Variants in ARAP2 observed in about 807,000 individuals in gnomAD.
ARAP2 encodes the protein ArfGAP with RhoGAP domain, ankyrin repeat and PH domain 2.
In ARAP2, 148 loss-of-function variants were observed where a neutral mutation model predicts 194.5. The observed-to-expected ratio is 0.76, with a 90% CI of 0.67 to 0.87. The LOEUF (loss-of-function observed/expected upper bound fraction) is 0.87, where lower values mean the gene tolerates loss of function less well. Ranked by LOEUF, ARAP2 falls within the 40% of genes least tolerant of loss-of-function variation. The probability of loss-of-function intolerance (pLI) is 0.00; values close to 1 mark genes in which losing one functional copy is unlikely to be tolerated. For synonymous variants in ARAP2, 695 were observed against 683.5 expected, an observed-to-expected ratio of 1.02 and a Z score of -0.26; for missense variants, 2,128 against 1,989.7, an observed-to-expected ratio of 1.07 and a Z score of -1.32.
At chr4:36,061,001 C>T (rs528274307) in intron 1 of ARAP2, among the ~76,000 whole-genome samples, 1 of 152,164 alleles carries the variant, frequency 6.6e-6, no homozygotes, top group African/African-American at 2.4e-5. Context: ...TGGTAATCTG[C>T]TTTATTAGTG....
At chr4:36,085,609 A>C (rs534520731) in intron 28 of ARAP2, among the ~76,000 whole-genome samples, 1 of 152,246 alleles carries the variant, frequency 6.6e-6, no homozygotes, top group South Asian at 2.1e-4. Context: ...ATATCTTAAT[A>C]GTTGGATGGC....
rs984401653 is a variant in ARAP2 at position 36,164,888 on chromosome 4, G to A, written c.2173+26C>T. The A allele has an allele frequency of 3.7e-6, 6 of 1,607,202 alleles. No homozygotes were observed. The African/African-American group carries it at 4.0e-5, about 11-fold the overall frequency. On this transcript the variant is annotated intron_variant, in intron 11 of 32. Coordinates refer to ENST00000303965, the MANE Select transcript of ARAP2 (RefSeq NM_015230.4). ...CAATGCCAATCTGCCACAAAGCTGTGATGAGCATAACTTGTCACTAATTAC... is the reference window on the plus strand; with the variant it reads ...CAATGCCAATCTGCCACAAAGCTGTAATGAGCATAACTTGTCACTAATTAC...
chr4:36,124,276 T>C (rs1251766709), intron 22 of ARAP2, among the ~76,000 whole-genome samples: 1 of 151,792 alleles, frequency 6.6e-6, no homozygotes, highest in Non-Finnish European at 1.5e-5. Context: ...AAAATTTATA[T>C]TTATTTAACT....
In ARAP2 at chr4:36,107,639, G is replaced by A; in HGVS notation, c.4211C>T (p.Ser1404Leu). The change falls in exon 27 of 33, where the codon TCA (serine) becomes TTA (leucine). Residue 1404 changes from serine to leucine, a missense_variant. Ser to Leu is a moderately radical substitution (Grantham distance 145). Coordinates refer to ENST00000303965, the MANE Select transcript of ARAP2 (RefSeq NM_015230.4). ...NVLEQVLRWS[S>L]LAEPGSAYLV... Reference sequence around the variant, plus strand: ...GTAAGCAGAGCCAGGTTCAGCTAATGAACTCCACCGAAGCACCTGCTCCAG... The same window carrying A: ...GTAAGCAGAGCCAGGTTCAGCTAATAAACTCCACCGAAGCACCTGCTCCAG... 1.9e-6 allele frequency: 3 copies of A among 1,610,826 alleles called. No homozygotes were observed. The highest frequency in any genetic ancestry group is 2.5e-6 in the Non-Finnish European group (3 of 1,178,078).
In ARAP2 at chr4:36,148,493, A is replaced by T. The variant is rs779935526; in HGVS notation, c.2912T>A (p.Phe971Tyr). ...ACGTTCGGAGGGTAAGTAGATCTCA[A>T]AGATAAAGATGGGCCTAAAACATGC... is the stretch of plus-strand genomic sequence containing the variant. The part of the protein sequence containing the change: ...FYLNTGPIFI[F>Y]EIYLPSERVF... Residue 971 changes from phenylalanine to tyrosine, a missense_variant, in exon 17 of 33, where the codon TTT becomes TAT. Transcript: ENST00000303965. The T allele has an allele frequency of 2.2e-5, 36 of 1,612,584 alleles. No individual in the cohort carries two copies. The highest frequency in any genetic ancestry group is 2.5e-5 in the Non-Finnish European group (30 of 1,179,090).
At chr4:36,135,846 A>G (rs1487076167) in intron 19 of ARAP2, among the ~76,000 whole-genome samples, 1 of 151,820 alleles carries the variant, frequency 6.6e-6, no homozygotes, top group Non-Finnish European at 1.5e-5. Context: ...CTTATAAACA[A>G]CTACAACGGG....
chr4:36,018,388 G>A (rs1406783324), intron 6 of ARAP2, among the ~76,000 whole-genome samples: 1 of 149,520 alleles, frequency 6.7e-6, no homozygotes, highest in African/African-American at 2.5e-5. Context: ...CAACAGCAAT[G>A]TAGAACTGTT....
intron 24 of ARAP2, among the ~76,000 whole-genome samples, chr4:36,118,720 G>A (rs1722002245): frequency 6.6e-6 from 1 of 151,322 alleles, no homozygotes; most frequent in South Asian, 2.1e-4. Flanking sequence ...GAGAATTTAA[G>A]ATAATTGATA....
intron 1 of ARAP2, among the ~76,000 whole-genome samples, chr4:36,243,115 G>T (rs908837290): frequency 3.3e-5 from 5 of 151,530 alleles, no homozygotes; most frequent in Admixed American, 2.6e-4. Flanking sequence ...GAGTTTAAAG[G>T]TATTTCTCTT....
At chr4:36,166,269 G>A (rs1473598787) in intron 10 of ARAP2, among the ~76,000 whole-genome samples, 1 of 152,022 alleles carries the variant, frequency 6.6e-6, no homozygotes, top group Non-Finnish European at 1.5e-5. Flanking sequence ...TATAACAAAC[G>A]AATTAATACA....
intron 32 of ARAP2, among the ~76,000 whole-genome samples, chr4:36,069,059 T>G (rs1221356963): frequency 1.3e-5 from 2 of 152,186 alleles, no homozygotes; most frequent in African/African-American, 2.4e-5. Flanking sequence ...ATTAGTTCAC[T>G]GAAGTGTGAG....
chr4:36,073,750 C>G lies in ARAP2; in HGVS notation c.4682G>C (p.Gly1561Ala). The G allele has an allele frequency of 6.2e-7, 1 of 1,613,346 alleles. No individual in the cohort carries two copies. The highest frequency in any genetic ancestry group is 8.5e-7 in the Non-Finnish European group (1 of 1,179,466). The change falls in exon 32 of 33, where the codon GGT (glycine) becomes GCT (alanine). Residue 1561 changes from glycine (G) to alanine (A), a missense_variant. Coordinates refer to ENST00000303965, the MANE Select transcript of ARAP2 (RefSeq NM_015230.4). ...ATGCTGTATAGGAATCAGAGGCAAACCTCCAATTTTGGGATTTTTGGTTAT... is the reference window on the plus strand; with the variant it reads ...ATGCTGTATAGGAATCAGAGGCAAAGCTCCAATTTTGGGATTTTTGGTTAT... ...RSITKNPKIG[G>A]LPLIPIQHEG...
chr4:36,074,471 T>C (rs891471702), intron 31 of ARAP2, among the ~76,000 whole-genome samples: 1 of 152,036 alleles, frequency 6.6e-6, no homozygotes, highest in Non-Finnish European at 1.5e-5. Context: ...TTAATTTGGA[T>C]GGGGATAAAT....
chr4:36,152,673 T>A (rs1578089267), intron 15 of ARAP2, among the ~76,000 whole-genome samples: 2 of 148,590 alleles, frequency 1.3e-5, no homozygotes. Context: ...ACTGAAGTGA[T>A]AAAAAAAAAA....
At chr4:36,068,425 A>G in intron 32 of ARAP2, 147 bp from the exon 33 acceptor site, 1 of 850,534 alleles carries the variant, frequency 1.2e-6, no homozygotes, top group Non-Finnish European at 1.7e-6. Flanking sequence ...TACAAGTGGC[A>G]TGTCTGAATT....
intron 20 of ARAP2, among the ~76,000 whole-genome samples, chr4:36,130,520 A>C (rs372813203): frequency 5.7e-4 from 86 of 151,974 alleles, no homozygotes; most frequent in Middle Eastern, 3.4e-3. Flanking sequence ...CTTAGGGCTC[A>C]TGGTAAGCAC....
At chr4:36,159,620 C>G in intron 13 of ARAP2, 115 bp from the exon 14 acceptor site, 1 of 911,318 alleles carries the variant, frequency 1.1e-6, no homozygotes, top group Non-Finnish European at 1.5e-6. Context: ...TCCTTTTATC[C>G]TAAGGCGGCT....
At chr4:36,128,503 CATAT>C in intron 21 of ARAP2, 26 bp downstream of exon 21, 1 of 1,512,296 alleles carries the variant, frequency 6.6e-7, no homozygotes, top group Non-Finnish European at 9.2e-7. Flanking sequence ...CACACACACA[CATAT>C]CTACAAATAT....
rs1733459456 is a variant in ARAP2, at chr4:36,159,676, GTTTAT to G, written c.2443-176_2443-172del. 7.9e-6 allele frequency: 4 copies of G among 508,464 alleles called. No homozygotes were observed. In the East Asian group the frequency reaches 1.5e-4, roughly 19 times the overall value. 31.5% of individuals were successfully genotyped at this position (508,464 alleles called of 1,614,324 possible). A position where few individuals can be genotyped will look rare whatever the true frequency, so the allele number is the denominator to read the frequency against. ...TTAGGCAATAGGCACAAAAGGCCTGGTTTATGTGAATTTAAATTACAACCCAAGAC... is the reference window on the plus strand; with the variant it reads ...TTAGGCAATAGGCACAAAAGGCCTGGGTGAATTTAAATTACAACCCAAGAC... On this transcript the variant is annotated intron_variant, in intron 13 of 32. Transcript: ENST00000303965.
Sources: gnomAD v4.1 joint callset for allele counts (sites outside exome capture counted in the v4.1 genomes callset) on GRCh38, gnomAD v4.1.1 for gene constraint, MANE v1.5 for transcripts, NCBI Gene and HGNC (gene_info 2026-07-23, HGNC 2026-07-21) for gene names.